Variants in ETNK1 observed in about 807,000 individuals in gnomAD.
ETNK1 encodes putative protein product of Nbla10396.
ETNK1 carries 8 observed loss-of-function variants against 45.1 expected under a neutral mutation model. The observed-to-expected ratio is 0.18, with a 90% confidence interval of 0.10 to 0.32. ETNK1 has a LOEUF of 0.32. Ranked by LOEUF, ETNK1 falls within the 10% of genes least tolerant of loss-of-function variation. The pLI is 1.00. For synonymous variants in ETNK1, 152 were observed against 151.9 expected (o/e 1.00, Z -0.01); for missense variants, 302 against 430.6 (o/e 0.70, Z 2.64).
At chr12:22,644,462 T>G in intron 2 of ETNK1, 8 of 907,056 alleles carry the variant, frequency 8.8e-6, no homozygotes, top group Non-Finnish European at 1.1e-5. Flanking sequence ...TATATTATGT[T>G]TTCTATAAAG....
chr12:22,655,727 T>A (rs557591418), intron 2 of ETNK1, among the ~76,000 whole-genome samples: 1 of 151,718 alleles, frequency 6.6e-6, no homozygotes, highest in Admixed American at 6.6e-5. Flanking sequence ...TTTGTAGATG[T>A]TAATTTTTTT....
At chr12:22,649,000 C>G (rs1953841694) in intron 2 of ETNK1, among the ~76,000 whole-genome samples, 1 of 152,002 alleles carries the variant, frequency 6.6e-6, no homozygotes, top group Non-Finnish European at 1.5e-5. Context: ...TGCTTATTTA[C>G]TCATCTGTGT....
intron 6 of ETNK1, among the ~76,000 whole-genome samples, chr12:22,678,537 C>T (rs1003275364): frequency 6.6e-6 from 1 of 152,098 alleles, no homozygotes; most frequent in African/African-American, 2.4e-5. Context: ...TAGTTTTTTC[C>T]CCTTAGGTTC....
At chr12:22,659,248 CT>C in intron 3 of ETNK1, 94 bp downstream of exon 3, 1 of 1,308,228 alleles carries the variant, frequency 7.6e-7, no homozygotes, top group Non-Finnish European at 1.0e-6. Flanking sequence ...TGTATAAAAT[CT>C]GGTTTTCTTT....
At chr12:22,633,145 A>G (rs1454975253) in intron 1 of ETNK1, among the ~76,000 whole-genome samples, 2 of 152,158 alleles carry the variant, frequency 1.3e-5, no homozygotes, top group African/African-American at 4.8e-5. Flanking sequence ...GCTTTGTTAG[A>G]CACTTTCAGT....
chr12:22,673,655 G>T lies in ETNK1; in HGVS notation c.940G>T (p.Ala314Ser), dbSNP rs760602109. ...ACTCTTCATTCAAGTCAATCAGTTTGCATTGGTAAGTTTAAATGTACACAA... is the reference window on the plus strand; with the variant it reads ...ACTCTTCATTCAAGTCAATCAGTTTTCATTGGTAAGTTTAAATGTACACAA... ...EILFIQVNQF[A>S]LASHFFWGLW... Residue 314 changes from alanine (A) to serine (S), a missense_variant, in exon 6 of 8, where the codon GCA (alanine) becomes TCA (serine). By Grantham distance (99) the Ala-to-Ser change is moderately conservative. Coordinates refer to ENST00000266517, the MANE Select transcript of ETNK1 (RefSeq NM_018638.5). 6.2e-7 allele frequency: 1 copy of T among 1,611,998 alleles called. No homozygotes were observed. The highest frequency in any genetic ancestry group is 1.1e-5 in the South Asian group (1 of 90,736).
chr12:22,636,413 G>T (rs1953655865), intron 1 of ETNK1, among the ~76,000 whole-genome samples: 1 of 151,788 alleles, frequency 6.6e-6, no homozygotes, highest in South Asian at 2.1e-4. Flanking sequence ...GTAAGTTTTT[G>T]CTCTATATCT....
At chr12:22,673,805 G>A (rs1308704841) in intron 6 of ETNK1, 145 bp downstream of exon 6, 12 of 803,032 alleles carry the variant, frequency 1.5e-5, no homozygotes, top group African/African-American at 8.7e-5. Context: ...TTTACAGTAT[G>A]CATTACCCCA....
chr12:22,673,434 A>C (rs1458940159), intron 5 of ETNK1, 66 bp from the exon 6 acceptor site: 11 of 1,264,886 alleles, frequency 8.7e-6, no homozygotes, highest in Non-Finnish European at 1.2e-5. Flanking sequence ...GGTTTTAGGG[A>C]TTATTAAGGT....
Position 22,689,900 on chromosome 12 carries a change from A to G in ETNK1, c.*4946A>G, listed in dbSNP as rs780204678. 2.6e-5 allele frequency: 4 copies of G among 152,266 alleles called. No homozygotes were observed. The highest frequency in any genetic ancestry group is 6.5e-5 in the Admixed American group (1 of 15,276). The allele number at this position is 152,266 out of a possible 1,614,324, so 9.4% of individuals were successfully genotyped here. A position where few individuals can be genotyped will look rare whatever the true frequency, so the allele number is the denominator to read the frequency against. ...GAGTCTGCAAAGAGGAAACTTTTTG[A>G]CTGTACTGTATTTAGGAGCCTTTGT... On this transcript the variant is annotated 3_prime_UTR_variant, in exon 8 of 8. Transcript: ENST00000266517.
At chr12:22,662,285 A>C (rs1592130604) in intron 4 of ETNK1, among the ~76,000 whole-genome samples, 2 of 120,976 alleles carry the variant, frequency 1.7e-5, no homozygotes, top group Admixed American at 1.0e-4. Context: ...ATAGAGTTTC[A>C]CCATGTTGGC....
intron 2 of ETNK1, among the ~76,000 whole-genome samples, chr12:22,654,690 A>T (rs1212967200): frequency 2.0e-5 from 3 of 152,330 alleles, no homozygotes; most frequent in Admixed American, 2.0e-4. Flanking sequence ...GGTTGTATTT[A>T]TCAATTGTAT....
chr12:22,667,707 A>T (rs1203545527), intron 4 of ETNK1, among the ~76,000 whole-genome samples: 2 of 152,132 alleles, frequency 1.3e-5, no homozygotes, highest in East Asian at 3.9e-4. Flanking sequence ...AGTTGGAAAG[A>T]TTTTTCAGGT....
rs1275381892 is a variant in ETNK1, at chr12:22,625,318, C to T, written c.-113C>T. The T allele has an allele frequency of 6.2e-7, 1 of 1,600,590 alleles. No individual in the cohort carries two copies. The highest frequency in any genetic ancestry group is 1.7e-4 in the Middle Eastern group (1 of 6,014). On this transcript the variant is annotated 5_prime_UTR_variant, in exon 1 of 8. Coordinates refer to ENST00000266517, the MANE Select transcript of ETNK1 (RefSeq NM_018638.5). ...CGCCCGCCCGTCCCAGCGCCCCCAG[C>T]CCTCCCGCGAGGGCGCCCCGGGACG...
chr12:22,644,238 A>G (rs1953777611), intron 2 of ETNK1: 1 of 1,607,484 alleles, frequency 6.2e-7, no homozygotes, highest in Non-Finnish European at 8.5e-7. Flanking sequence ...TTTGCAAAGG[A>G]AAAACTACAA....
chr12:22,657,900 G>A (rs990812227), intron 2 of ETNK1, among the ~76,000 whole-genome samples: 1 of 152,084 alleles, frequency 6.6e-6, no homozygotes, highest in Non-Finnish European at 1.5e-5. Flanking sequence ...ATTCACAATA[G>A]TATAGAAACA....
At chr12:22,669,635 C>T (rs1231886446) in intron 4 of ETNK1, among the ~76,000 whole-genome samples, 2 of 152,014 alleles carry the variant, frequency 1.3e-5, no homozygotes, top group African/African-American at 4.8e-5. Context: ...AGAAAAGAAA[C>T]TTTAAAACAT....
intron 2 of ETNK1, among the ~76,000 whole-genome samples, chr12:22,658,168 A>G (rs1469403122): frequency 6.6e-6 from 1 of 152,152 alleles, no homozygotes; most frequent in Non-Finnish European, 1.5e-5. Flanking sequence ...CAAGGTTCAA[A>G]AAGAGGGATT....
intron 1 of ETNK1, among the ~76,000 whole-genome samples, chr12:22,636,466 A>G (rs765620179): frequency 1.1e-4 from 17 of 152,160 alleles, no homozygotes; most frequent in Non-Finnish European, 2.2e-4. Context: ...TAGAATTTTT[A>G]TATCTTCTTG....
Sources: gnomAD v4.1 joint callset for allele counts (sites outside exome capture counted in the v4.1 genomes callset) on GRCh38, gnomAD v4.1.1 for gene constraint, MANE v1.5 for transcripts, NCBI Gene and HGNC (gene_info 2026-07-23, HGNC 2026-07-21) for gene names.